The following UTS2R variants were observed in gnomAD, a reference collection of about 807,000 sequenced individuals.
The protein encoded by UTS2R is urotensin-2 receptor.
For missense variants in UTS2R, 653 were observed against 562.2 expected, an observed-to-expected ratio of 1.16 and a Z score of -1.63; for synonymous variants, 335 against 280.9, an observed-to-expected ratio of 1.19 and a Z score of -1.93.
At position 82,375,806 on chromosome 17, in the gene UTS2R, C is replaced by T. The variant is rs994309943; in HGVS notation, c.*312C>T. On this transcript the variant is annotated 3_prime_UTR_variant, in exon 3 of 3. Transcript: ENST00000313135. ...CGGCTGCCGCCCCCGGGACCCTCCT[C>T]CTCTCAGCCAGCGGCCCTGTGACTC... Among the ~76,000 whole-genome samples, 1 of 152,198 alleles carries T rather than the reference C, an allele frequency of 6.6e-6. No individual in the cohort carries two copies. Among genetic ancestry groups the T allele is most frequent in the African/African-American group, 2.4e-5 (1 of 41,450 alleles).
At position 82,376,490 on chromosome 17, in the gene UTS2R, C is replaced by T. The variant is rs186074228; in HGVS notation, c.*996C>T. 6.7e-6 allele frequency among the ~76,000 whole-genome samples: 1 copy of T among 150,334 alleles called. No individual in the cohort carries two copies. Among genetic ancestry groups the T allele is most frequent in the Non-Finnish European group, 1.5e-5 (1 of 67,986 alleles). On this transcript the variant is annotated 3_prime_UTR_variant, in exon 3 of 3. Coordinates refer to ENST00000313135, the MANE Select transcript of UTS2R (RefSeq NM_018949.3). ...TTGGGGCTCCATCTGAACACTGGGG[C>T]AAGGGTCATGCCCGCTTGGTCCCTC...
Position 82,376,810 on chromosome 17 carries a change from T to C in UTS2R, c.*1316T>C, listed in dbSNP as rs1353270861. 6.6e-6 allele frequency among the ~76,000 whole-genome samples: 1 copy of C among 152,160 alleles called. No homozygotes were observed. Among genetic ancestry groups the C allele is most frequent in the African/African-American group, 2.4e-5 (1 of 41,452 alleles). On this transcript the variant is annotated 3_prime_UTR_variant, in exon 3 of 3. Transcript: ENST00000313135. ...TCCCTCTGTTAAAATTGAAAGAGAC[T>C]GATGTCAGCCGCCCCGTCTGGGAGG... is the stretch of plus-strand genomic sequence containing the variant.
Position 82,374,931 on chromosome 17 carries a change from T to C in UTS2R, c.607T>C (p.Trp203Arg), listed in dbSNP as rs761225490. The change falls in exon 3 of 3, where the codon TGG becomes CGG. Residue 203 changes from tryptophan (W) to arginine (R), a missense_variant. Physicochemically the swap from Trp to Arg is moderately radical, Grantham distance 101. Transcript: ENST00000313135. The stretch of plus-strand genomic sequence containing the variant: ...TCCCAAGAGCCTGTGCCTGCCCGCC[T>C]GGGGCCCGCGCGCCCACCGCGCCTA... ...RGPKSLCLPAWGPRAHRAYLT... is the reference protein window; with the variant it reads ...RGPKSLCLPARGPRAHRAYLT... 2 of 1,105,636 alleles carry C rather than the reference T, an allele frequency of 1.8e-6. No homozygotes were observed. Among genetic ancestry groups the C allele is most frequent in the Non-Finnish European group, 2.6e-6 (2 of 764,632 alleles). 68.5% of individuals were successfully genotyped at this position (1,105,636 alleles called of 1,614,324 possible).
In UTS2R at chr17:82,374,903, G is replaced by A; in HGVS notation, c.579G>A (p.Arg193=). The A allele has an allele frequency of 8.3e-7, 1 of 1,211,614 alleles. No homozygotes were observed. The highest frequency in any genetic ancestry group is 1.2e-6 in the Non-Finnish European group (1 of 848,630). 75.1% of individuals were successfully genotyped at this position (1,211,614 alleles called of 1,614,324 possible). Reference sequence around the variant, plus strand: ...TGCTGGCCATGCGGCTGGTGCGCCGGGGTCCCAAGAGCCTGTGCCTGCCCG... The same window carrying A: ...TGCTGGCCATGCGGCTGGTGCGCCGAGGTCCCAAGAGCCTGTGCCTGCCCG... The part of the protein sequence containing the change: ...PVMLAMRLVR[R]GPKSLCLPAW... Residue 193 remains arginine (R), a synonymous_variant, in exon 3 of 3, where the codon CGG becomes CGA. Transcript: ENST00000313135.
chr17:82,375,008 G>GCTGCTCTA lies in UTS2R; in HGVS notation c.686_693dup (p.Ala232CysfsTer71), dbSNP rs2052481060. 1.5e-6 allele frequency: 2 copies of GCTGCTCTA among 1,341,082 alleles called. No homozygotes were observed. The highest frequency in any genetic ancestry group is 2.6e-5 in the South Asian group (2 of 78,428). 83.1% of individuals were successfully genotyped at this position (1,341,082 alleles called of 1,614,324 possible). On this transcript the variant is annotated frameshift_variant, in exon 3 of 3. Transcript: ENST00000313135. LOFTEE classifies it low-confidence loss of function (END_TRUNC). ...TCGCGGGGCCCGGGCTGCTCATCGG[G>GCTGCTCTA]CTGCTCTACGCGCGCCTGGCCCGCG... is the stretch of plus-strand genomic sequence containing the variant.
rs1007969296 is a variant in UTS2R, at chr17:82,376,936, G to A, written c.*1442G>A. ...CTACTGGGAAGTGAGGAGCCCCTCT[G>A]CCCGGCCACCACCCCGTCTGGGAGG... On this transcript the variant is annotated 3_prime_UTR_variant, in exon 3 of 3. Coordinates refer to ENST00000313135, the MANE Select transcript of UTS2R (RefSeq NM_018949.3). Among the ~76,000 whole-genome samples the A allele has an allele frequency of 5.3e-5, 8 of 152,194 alleles. No individual in the cohort carries two copies. The highest frequency in any genetic ancestry group is 3.2e-3 in the Middle Eastern group (1 of 316).
intron 2 of UTS2R, among the ~76,000 whole-genome samples, 194 bp from the exon 3 acceptor site, chr17:82,374,049 C>G (rs114878871): frequency 1.0e-5 from 1 of 97,186 alleles, no homozygotes; most frequent in Non-Finnish European, 2.2e-5. Flanking sequence ...CCTGCTGGGG[C>G]ATGCGGGGGT....
In UTS2R at chr17:82,374,347, C is replaced by T. The variant is rs41344948; in HGVS notation, c.23C>T (p.Pro8Leu). The stretch of plus-strand genomic sequence containing the variant: ...GAGATGGCGCTGACCCCCGAGTCCC[C>T]GAGCAGCTTCCCTGGGCTGGCCGCC... MALTPESPSSFPGLAATG... is the reference protein window; with the variant it reads MALTPESLSSFPGLAATG... The change falls in exon 3 of 3, where the codon CCG becomes CTG. Residue 8 changes from proline to leucine, a missense_variant. Coordinates refer to ENST00000313135, the MANE Select transcript of UTS2R (RefSeq NM_018949.3). The T allele has an allele frequency of 1.5e-5, 23 of 1,578,836 alleles. No homozygotes were observed. The highest frequency in any genetic ancestry group is 6.8e-5 in the South Asian group (6 of 87,914).
chr17:82,374,696 C>T lies in UTS2R; in HGVS notation c.372C>T (p.Arg124=). ...GGCACTTCGGGGACGTGGGCTGCCG[C>T]GTGCTCTTCGGCCTGGACTTCCTGA... The part of the protein sequence containing the change: ...KEWHFGDVGC[R]VLFGLDFLTM... The change falls in exon 3 of 3, where the codon CGC becomes CGT. Residue 124 remains arginine (R), a synonymous_variant. Coordinates refer to ENST00000313135, the MANE Select transcript of UTS2R (RefSeq NM_018949.3). The T allele has an allele frequency of 6.2e-7, 1 of 1,613,358 alleles. No individual in the cohort carries two copies. Among genetic ancestry groups the T allele is most frequent in the Non-Finnish European group, 8.5e-7 (1 of 1,179,950 alleles).
chr17:82,374,372 C>T lies in UTS2R; in HGVS notation c.48C>T (p.Ala16=). 1.3e-6 allele frequency: 2 copies of T among 1,587,614 alleles called. No individual in the cohort carries two copies. The highest frequency in any genetic ancestry group is 1.7e-6 in the Non-Finnish European group (2 of 1,173,864). The change falls in exon 3 of 3, where the codon GCC becomes GCT. Residue 16 remains alanine (A), a synonymous_variant. Transcript: ENST00000313135. ...CGAGCAGCTTCCCTGGGCTGGCCGC[C>T]ACTGGCAGCTCTGTGCCGGAGCCGC... The part of the protein sequence containing the change: ...ESPSSFPGLA[A]TGSSVPEPPG...
rs1171466808 is a variant in UTS2R, at chr17:82,377,335, C to T, written c.*1841C>T. 1.3e-5 allele frequency among the ~76,000 whole-genome samples: 2 copies of T among 151,814 alleles called. No homozygotes were observed. Among genetic ancestry groups the T allele is most frequent in the African/African-American group, 4.8e-5 (2 of 41,290 alleles). On this transcript the variant is annotated 3_prime_UTR_variant, in exon 3 of 3. Transcript: ENST00000313135. ...CAGGGACACAAACACTGCGGAAGGC[C>T]GCAGGGTCCTCTGCCTAGGAAAACC... is the stretch of plus-strand genomic sequence containing the variant.
Position 82,377,437 on chromosome 17 carries a change from C to G in UTS2R, c.*1943C>G, listed in dbSNP as rs1370857050. ...TATGACCCTGCCAAATCCCCCTCTGCGAGAAACACCCAAGAATGATCAATA... is the reference window on the plus strand; with the variant it reads ...TATGACCCTGCCAAATCCCCCTCTGGGAGAAACACCCAAGAATGATCAATA... On this transcript the variant is annotated 3_prime_UTR_variant, in exon 3 of 3. Transcript: ENST00000313135. 1.4e-5 allele frequency among the ~76,000 whole-genome samples: 2 copies of G among 140,980 alleles called. No individual in the cohort carries two copies. The highest frequency in any genetic ancestry group is 1.5e-4 in the Admixed American group (2 of 13,662). The allele number at this position is 140,980 out of a possible 152,430, so 92.5% of individuals were successfully genotyped here.
rs2052498877 is a variant in UTS2R at position 82,376,733 on chromosome 17, A to G, written c.*1239A>G. On this transcript the variant is annotated 3_prime_UTR_variant, in exon 3 of 3. Coordinates refer to ENST00000313135, the MANE Select transcript of UTS2R (RefSeq NM_018949.3). ...ACAGAACTGTGCACCTGAATGTGTG[A>G]GTTCTGTCGTGTTTTACTTTAAAAA... 6.6e-6 allele frequency among the ~76,000 whole-genome samples: 1 copy of G among 152,216 alleles called. No homozygotes were observed. Among genetic ancestry groups the G allele is most frequent in the Admixed American group, 6.5e-5 (1 of 15,284 alleles).
At position 82,376,814 on chromosome 17, in the gene UTS2R, G is replaced by C. The variant is rs1028005934; in HGVS notation, c.*1320G>C. ...TCTGTTAAAATTGAAAGAGACTGAT[G>C]TCAGCCGCCCCGTCTGGGAGGGAGG... On this transcript the variant is annotated 3_prime_UTR_variant, in exon 3 of 3. Coordinates refer to ENST00000313135, the MANE Select transcript of UTS2R (RefSeq NM_018949.3). 6.6e-6 allele frequency among the ~76,000 whole-genome samples: 1 copy of C among 152,174 alleles called. No homozygotes were observed. Among genetic ancestry groups the C allele is most frequent in the Non-Finnish European group, 1.5e-5 (1 of 68,038 alleles).
rs1490889783 is a variant in UTS2R, at chr17:82,374,777, G to C, written c.453G>C (p.Ala151=). 1 of 1,599,974 alleles carries C rather than the reference G, an allele frequency of 6.3e-7. No homozygotes were observed. The highest frequency in any genetic ancestry group is 1.3e-5 in the African/African-American group (1 of 74,826). ...TCATGAGCAGCGAGCGCTACGCTGCGGTGCTGCGGCCGCTGGACACCGTGC... is the reference window on the plus strand; with the variant it reads ...TCATGAGCAGCGAGCGCTACGCTGCCGTGCTGCGGCCGCTGGACACCGTGC... ...LTVMSSERYA[A]VLRPLDTVQR... Residue 151 remains alanine, a synonymous_variant, in exon 3 of 3, where the codon GCG becomes GCC. Coordinates refer to ENST00000313135, the MANE Select transcript of UTS2R (RefSeq NM_018949.3).
rs747676409 is a variant in UTS2R at position 82,374,853 on chromosome 17, GCGCTGCTGCTGA to G, written c.536_547del (p.Leu179_Leu182del). 1.5e-5 allele frequency: 21 copies of G among 1,387,560 alleles called. No homozygotes were observed. In the South Asian group the frequency reaches 2.4e-4, roughly 16 times the overall value. The allele number at this position is 1,387,560 out of a possible 1,614,324, so 86.0% of individuals were successfully genotyped here. A position where few individuals can be genotyped will look rare whatever the true frequency, so the allele number is the denominator to read the frequency against. On this transcript the variant is annotated inframe_deletion, in exon 3 of 3. Transcript: ENST00000313135. ...GCTGGCGCTGGGCACCTGGCTGCTGGCGCTGCTGCTGACGCTGCCCGTGATGCTGGCCATGCG... is the reference window on the plus strand; with the variant it reads ...GCTGGCGCTGGGCACCTGGCTGCTGGCGCTGCCCGTGATGCTGGCCATGCG...
rs1370857050 is a variant in UTS2R at position 82,377,437 on chromosome 17, C to T, written c.*1943C>T. On this transcript the variant is annotated 3_prime_UTR_variant, in exon 3 of 3. Transcript: ENST00000313135. Reference sequence around the variant, plus strand: ...TATGACCCTGCCAAATCCCCCTCTGCGAGAAACACCCAAGAATGATCAATA... The same window carrying T: ...TATGACCCTGCCAAATCCCCCTCTGTGAGAAACACCCAAGAATGATCAATA... Among the ~76,000 whole-genome samples the T allele has an allele frequency of 5.7e-5, 8 of 141,074 alleles. No individual in the cohort carries two copies. The East Asian group carries it at 8.1e-4, about 14-fold the overall frequency. The allele number at this position is 141,074 out of a possible 152,430, so 92.6% of individuals were successfully genotyped here. A position where few individuals can be genotyped will look rare whatever the true frequency, so the allele number is the denominator to read the frequency against.
Position 82,375,309 on chromosome 17 carries a change from C to A in UTS2R, c.985C>A (p.Arg329Ser), listed in dbSNP as rs1020760667. 1.3e-6 allele frequency: 2 copies of A among 1,547,256 alleles called. No homozygotes were observed. The highest frequency in any genetic ancestry group is 1.4e-5 in the African/African-American group (1 of 71,176). Residue 329 changes from arginine to serine, a missense_variant, in exon 3 of 3, where the codon CGC becomes AGC. By Grantham distance (110) the Arg-to-Ser change is moderately radical. Coordinates refer to ENST00000313135, the MANE Select transcript of UTS2R (RefSeq NM_018949.3). Reference sequence around the variant, plus strand: ...GAACTACCGCGACCACCTGCGCGGCCGCGTGCGGGGCCCGGGCAGCGGGGG... The same window carrying A: ...GAACTACCGCGACCACCTGCGCGGCAGCGTGCGGGGCCCGGGCAGCGGGGG... ...TRNYRDHLRG[R>S]VRGPGSGGGR...
At position 82,375,210 on chromosome 17, in the gene UTS2R, G is replaced by T; in HGVS notation, c.886G>T (p.Val296Phe). The change falls in exon 3 of 3, where the codon GTC becomes TTC. Residue 296 changes from valine (V) to phenylalanine (F), a missense_variant. Coordinates refer to ENST00000313135, the MANE Select transcript of UTS2R (RefSeq NM_018949.3). Reference sequence around the variant, plus strand: ...GCTGGCGCCGCGGACGGCGCGCATCGTCAACTACCTGACCACCTGCCTCAC... The same window carrying T: ...GCTGGCGCCGCGGACGGCGCGCATCTTCAACTACCTGACCACCTGCCTCAC... ...APLAPRTARI[V>F]NYLTTCLTYG... is the part of the protein sequence containing the mutation. The T allele has an allele frequency of 6.4e-7, 1 of 1,572,230 alleles. No homozygotes were observed. The highest frequency in any genetic ancestry group is 1.2e-5 in the South Asian group (1 of 85,432).
Sources: gnomAD v4.1 joint callset for allele counts (sites outside exome capture counted in the v4.1 genomes callset) on GRCh38, gnomAD v4.1.1 for gene constraint, MANE v1.5 for transcripts, NCBI Gene and HGNC (gene_info 2026-07-23, HGNC 2026-07-21) for gene names.